ESPL1: variants seen among roughly 807,000 people sequenced by gnomAD.
ESPL1 encodes the protein extra spindle pole bodies like 1, separase, also known as separin.
In ESPL1, 50 loss-of-function variants were observed where a neutral mutation model predicts 217.2. That is an observed-to-expected ratio of 0.23 (90% CI 0.18 to 0.29). The LOEUF (loss-of-function observed/expected upper bound fraction) is 0.29. ESPL1 is among the 10% of genes least tolerant of loss of function. ESPL1 has a pLI of 1.00. For synonymous variants in ESPL1, 994 were observed against 1,081.3 expected, an observed-to-expected ratio of 0.92 and a Z score of 1.58; for missense variants, 1,834 against 2,603.0, an observed-to-expected ratio of 0.70 and a Z score of 6.43.
chr12:53,284,381 A>C (rs1943911248), intron 17 of ESPL1, among the ~76,000 whole-genome samples: 1 of 152,022 alleles, frequency 6.6e-6, no homozygotes, highest in Admixed American at 6.6e-5. Context: ...CAGCCTCCCA[A>C]GTAGCTGGGA....
rs757421350 is a variant in ESPL1 at position 53,269,037 on chromosome 12, A to G, written c.95A>G (p.Asn32Ser). The part of the protein sequence containing the change: ...LLPALKEFLS[N>S]PPAGFPSSRS... Reference sequence around the variant, plus strand: ...CTCTACTCCTAGGAGTTCCTGTCCAACCCTCCAGCTGGTTTTCCCAGCAGC... The same window carrying G: ...CTCTACTCCTAGGAGTTCCTGTCCAGCCCTCCAGCTGGTTTTCCCAGCAGC... The change falls in exon 3 of 31, where the codon AAC becomes AGC. Residue 32 changes from asparagine to serine, a missense_variant. By Grantham distance (46) the Asn-to-Ser change is conservative. This residue lies in a region of ESPL1 where 746 missense variants were observed against 1,077.0 expected (regional missense o/e 0.69). Transcript: ENST00000257934. The surrounding 1 kb of genome is among the most constrained non-coding windows in gnomAD (Gnocchi z 6.7). 11 of 1,611,002 alleles carry G rather than the reference A, an allele frequency of 6.8e-6. No homozygotes were observed. Among genetic ancestry groups the G allele is most frequent in the Middle Eastern group, 3.3e-4 (2 of 6,076 alleles).
At chr12:53,274,195 A>G (rs1943725650) in intron 6 of ESPL1, 1 of 152,742 alleles carries the variant, frequency 6.5e-6, no homozygotes, top group Non-Finnish European at 1.5e-5. Context: ...GAACTGATGC[A>G]TTGGCGGGAT....
In ESPL1 at chr12:53,274,923, G is replaced by A; in HGVS notation, c.1613G>A (p.Ser538Asn). Residue 538 changes from serine to asparagine, a missense_variant, in exon 7 of 31, where the codon AGC becomes AAC. Coordinates refer to ENST00000257934, the MANE Select transcript of ESPL1 (RefSeq NM_012291.5). Reference sequence around the variant, plus strand: ...TGGCTGGCAGCCCTGCAACCCTGTAGCCCTGAACACATGGCTGAGCCAGTC... The same window carrying A: ...TGGCTGGCAGCCCTGCAACCCTGTAACCCTGAACACATGGCTGAGCCAGTC... Reference protein sequence around the residue: ...ILWLAALQPCSPEHMAEPVTF... With the variant: ...ILWLAALQPCNPEHMAEPVTF... 2 of 1,608,542 alleles carry A rather than the reference G, an allele frequency of 1.2e-6. No homozygotes were observed. Among genetic ancestry groups the A allele is most frequent in the Non-Finnish European group, 8.5e-7 (1 of 1,177,612 alleles).
In ESPL1 at chr12:53,290,912, G is replaced by A. The variant is rs1229194624; in HGVS notation, c.5436G>A (p.Glu1812=). The A allele has an allele frequency of 1.2e-6, 2 of 1,606,332 alleles. No individual in the cohort carries two copies. Among genetic ancestry groups the A allele is most frequent in the East Asian group, 2.2e-5 (1 of 44,692 alleles). ...WKGLLLPSSE[E]PGPAQEASRL... ...GGCTGCTGCTGCCGTCCAGTGAGGAGCCCGGCCCTGCCCAGGAGGCCTCCC... is the reference window on the plus strand; with the variant it reads ...GGCTGCTGCTGCCGTCCAGTGAGGAACCCGGCCCTGCCCAGGAGGCCTCCC... Residue 1812 remains glutamate, a synonymous_variant, in exon 25 of 31, where the codon GAG becomes GAA. Coordinates refer to ENST00000257934, the MANE Select transcript of ESPL1 (RefSeq NM_012291.5).
chr12:53,281,596 T>A lies in ESPL1; in HGVS notation c.2589T>A (p.Leu863=). The change falls in exon 13 of 31, where the codon CTT becomes CTA. Residue 863 remains leucine, a synonymous_variant. Transcript: ENST00000257934. ...TCCTTTCCCTGACCTGTGATCTGCT[T>A]CGAAGTCAACTCTACTGGACTCACC... ...YLLLSLTCDL[L]RSQLYWTHQK... The A allele has an allele frequency of 6.2e-7, 1 of 1,613,892 alleles. No individual in the cohort carries two copies. Among genetic ancestry groups the A allele is most frequent in the Non-Finnish European group, 8.5e-7 (1 of 1,179,812 alleles).
Position 53,277,624 on chromosome 12 carries a change from A to C in ESPL1, c.2224+16A>C. On this transcript the variant is annotated intron_variant, in intron 10 of 30. Coordinates refer to ENST00000257934, the MANE Select transcript of ESPL1 (RefSeq NM_012291.5). ...GCAGATGCTGGTGAGGGGTAAATGG[A>C]GTGTGGCATGGGCATCTCCATGGCT... is the stretch of plus-strand genomic sequence containing the variant. 1 of 1,613,398 alleles carries C rather than the reference A, an allele frequency of 6.2e-7. No homozygotes were observed. Among genetic ancestry groups the C allele is most frequent in the Middle Eastern group, 1.7e-4 (1 of 6,042 alleles).
chr12:53,268,856 G>T lies in ESPL1; in HGVS notation c.81+9G>T. The T allele has an allele frequency of 1.2e-6, 2 of 1,606,144 alleles. No homozygotes were observed. The highest frequency in any genetic ancestry group is 8.5e-7 in the Non-Finnish European group (1 of 1,175,034). The stretch of plus-strand genomic sequence containing the variant: ...TGCTGCCCGCCTTGAAGGTGGGGGT[G>T]CTGCCTGGCTCGGGATACACCTGGC... On this transcript the variant is annotated intron_variant, in intron 2 of 30. Coordinates refer to ENST00000257934, the MANE Select transcript of ESPL1 (RefSeq NM_012291.5).
At chr12:53,273,836 GTTTTTTTTTTTTTTTTT>G (rs71096001) in intron 6 of ESPL1, among the ~76,000 whole-genome samples, 2,034 of 63,328 alleles carry the variant, frequency 0.032, 77 homozygotes, top group South Asian at 0.16. Context: ...TGGTTTTTTG[GTTTTTTTTTTTTTTTTT>G]TTTTTTTTTT....
In ESPL1 at chr12:53,282,558, C is replaced by A; in HGVS notation, c.2791+123C>A. The A allele has an allele frequency of 1.2e-6, 1 of 838,810 alleles. No individual in the cohort carries two copies. The highest frequency in any genetic ancestry group is 1.9e-6 in the Non-Finnish European group (1 of 531,932). The allele number at this position is 838,810 out of a possible 1,614,324, so 52.0% of individuals were successfully genotyped here. A position where few individuals can be genotyped will look rare whatever the true frequency, so the allele number is the denominator to read the frequency against. ...TGGCCCAGCCTACCTAGAACCTGCACAGAGTAGGCCTGGGATAGCAGATGG... is the reference window on the plus strand; with the variant it reads ...TGGCCCAGCCTACCTAGAACCTGCAAAGAGTAGGCCTGGGATAGCAGATGG... On this transcript the variant is annotated intron_variant, in intron 14 of 30. Coordinates refer to ENST00000257934, the MANE Select transcript of ESPL1 (RefSeq NM_012291.5). The surrounding 1 kb of genome is among the most constrained non-coding windows in gnomAD (Gnocchi z 4.0).
Position 53,269,023 on chromosome 12 carries a change from G to T in ESPL1, c.82-1G>T. 1 of 1,609,084 alleles carries T rather than the reference G, an allele frequency of 6.2e-7. No individual in the cohort carries two copies. Among genetic ancestry groups the T allele is most frequent in the Non-Finnish European group, 8.5e-7 (1 of 1,176,924 alleles). On this transcript the variant is annotated splice_acceptor_variant, in intron 2 of 30. Coordinates refer to ENST00000257934, the MANE Select transcript of ESPL1 (RefSeq NM_012291.5). LOFTEE classifies it high-confidence loss of function. This position sits in a 1 kb window ranked among gnomAD's most constrained non-coding sequence, Gnocchi z 6.7. ...CCATTCATATCTTTCTCTACTCCTAGGAGTTCCTGTCCAACCCTCCAGCTG... is the reference window on the plus strand; with the variant it reads ...CCATTCATATCTTTCTCTACTCCTATGAGTTCCTGTCCAACCCTCCAGCTG...
chr12:53,277,400 C>G (rs750194854), intron 9 of ESPL1, 70 bp from the exon 10 acceptor site: 253 of 1,552,282 alleles, frequency 1.6e-4, no homozygotes, highest in Non-Finnish European at 1.9e-4. Context: ...CCCACCTCAG[C>G]CTGCCGAGTA....
intron 7 of ESPL1, among the ~76,000 whole-genome samples, chr12:53,276,059 C>T (rs971381907): frequency 2.6e-5 from 4 of 151,932 alleles, no homozygotes; most frequent in Admixed American, 1.3e-4. Flanking sequence ...AAATATTAGC[C>T]GAATGTGGTG....
Position 53,272,847 on chromosome 12 carries a change from C to T in ESPL1, c.1496C>T (p.Pro499Leu). Residue 499 changes from proline to leucine, a missense_variant, in exon 6 of 31, where the codon CCT (proline) becomes CTT (leucine). Around this residue, in one of 5 missense-constraint regions of ESPL1, gnomAD observed 746 missense variants for 1,077.0 expected, o/e 0.69. Transcript: ENST00000257934. ...AAGCCAGGCACTTATCCCGAGGTGC[C>T]TCCTGAGAAGGTACAAGGGAATGAG... is the stretch of plus-strand genomic sequence containing the variant. ...LVKPGTYPEVPPEKLHRCFRL... is the reference protein window; with the variant it reads ...LVKPGTYPEVLPEKLHRCFRL... 6.2e-7 allele frequency: 1 copy of T among 1,613,866 alleles called. No homozygotes were observed. The highest frequency in any genetic ancestry group is 8.5e-7 in the Non-Finnish European group (1 of 1,180,010).
Position 53,293,282 on chromosome 12 carries a change from T to G in ESPL1, c.6171T>G (p.Phe2057Leu). 6.2e-7 allele frequency: 1 copy of G among 1,613,752 alleles called. No homozygotes were observed. Among genetic ancestry groups the G allele is most frequent in the Non-Finnish European group, 8.5e-7 (1 of 1,179,620 alleles). The stretch of plus-strand genomic sequence containing the variant: ...CCTTTTCTTTTCCCAGCCCCTTGTT[T>G]CTGGGTAATCTCTGGGATGTGACTG... ...LKYIMAGCPLFLGNLWDVTDR... is the reference protein window; with the variant it reads ...LKYIMAGCPLLLGNLWDVTDR... The change falls in exon 31 of 31, where the codon TTT becomes TTG. Residue 2057 changes from phenylalanine (F) to leucine (L), a missense_variant. Phe to Leu is a conservative substitution (Grantham distance 22, BLOSUM62 0). Around this residue, in one of 5 missense-constraint regions of ESPL1, gnomAD observed 295 missense variants for 519.8 expected, o/e 0.57. Transcript: ENST00000257934. The surrounding 1 kb of genome is among the most constrained non-coding windows in gnomAD (Gnocchi z 4.2).
At position 53,290,987 on chromosome 12, in the gene ESPL1, T is replaced by C. The variant is rs1944047660; in HGVS notation, c.5511T>C (p.Thr1837=). Residue 1837 remains threonine, a synonymous_variant, in exon 25 of 31, where the codon ACT becomes ACC. Coordinates refer to ENST00000257934, the MANE Select transcript of ESPL1 (RefSeq NM_012291.5). Reference sequence around the variant, plus strand: ...GTGGCTGGAAATATCCTGACCGCACTCTGCTGAAAGTGAGTGAGGAAAGCA... The same window carrying C: ...GTGGCTGGAAATATCCTGACCGCACCCTGCTGAAAGTGAGTGAGGAAAGCA... ...QDCGWKYPDR[T]LLKIMLSGAG... 5 of 1,588,402 alleles carry C rather than the reference T, an allele frequency of 3.1e-6. No homozygotes were observed. The highest frequency in any genetic ancestry group is 1.1e-5 in the South Asian group (1 of 87,304).
chr12:53,293,179 C>A lies in ESPL1; in HGVS notation c.6162-94C>A. 1 of 1,151,314 alleles carries A rather than the reference C, an allele frequency of 8.7e-7. No individual in the cohort carries two copies. Among genetic ancestry groups the A allele is most frequent in the African/African-American group, 1.5e-5 (1 of 65,944 alleles). 71.3% of individuals were successfully genotyped at this position (1,151,314 alleles called of 1,614,324 possible). ...CAAAGGAGTTTCTCATTGGTTCAAT[C>A]CTCTCCACTCACCCACCCCCACCAC... On this transcript the variant is annotated intron_variant, in intron 30 of 30. Coordinates refer to ENST00000257934, the MANE Select transcript of ESPL1 (RefSeq NM_012291.5). This position sits in a 1 kb window ranked among gnomAD's most constrained non-coding sequence, Gnocchi z 4.2.
chr12:53,293,199 C>T lies in ESPL1; in HGVS notation c.6162-74C>T, dbSNP rs1047766815. 30 of 1,307,422 alleles carry T rather than the reference C, an allele frequency of 2.3e-5. No individual in the cohort carries two copies. The highest frequency in any genetic ancestry group is 2.9e-5 in the Non-Finnish European group (26 of 905,564). 81.0% of individuals were successfully genotyped at this position (1,307,422 alleles called of 1,614,324 possible). A position where few individuals can be genotyped will look rare whatever the true frequency, so the allele number is the denominator to read the frequency against. Reference sequence around the variant, plus strand: ...TCAATCCTCTCCACTCACCCACCCCCACCACCAATGGTGTTTTCCTATGTA... The same window carrying T: ...TCAATCCTCTCCACTCACCCACCCCTACCACCAATGGTGTTTTCCTATGTA... On this transcript the variant is annotated intron_variant, in intron 30 of 30. Transcript: ENST00000257934. This position sits in a 1 kb window ranked among gnomAD's most constrained non-coding sequence, Gnocchi z 4.2.
intron 18 of ESPL1, chr12:53,287,396 C>G (rs1182468222): frequency 6.5e-6 from 1 of 152,978 alleles, no homozygotes; most frequent in Non-Finnish European, 1.4e-5. Context: ...GAGACGGACT[C>G]TCACTCTGTC....
rs757280275 is a variant in ESPL1, at chr12:53,277,473, A to G, written c.2089A>G (p.Ile697Val). ...ATACCCCGATCTTCCCATCCAGGGTATCGAGCGGGATCGGAGAGCCCAGGC... is the reference window on the plus strand; with the variant it reads ...ATACCCCGATCTTCCCATCCAGGGTGTCGAGCGGGATCGGAGAGCCCAGGC... ...CTLEAKMQEG[I>V]ERDRRAQAPG... Residue 697 changes from isoleucine to valine, a missense_variant, in exon 10 of 31, where the codon ATC becomes GTC. Physicochemically the swap from Ile to Val is conservative, Grantham distance 29. Around this residue, in one of 5 missense-constraint regions of ESPL1, gnomAD observed 746 missense variants for 1,077.0 expected, o/e 0.69. Coordinates refer to ENST00000257934, the MANE Select transcript of ESPL1 (RefSeq NM_012291.5). 2.5e-6 allele frequency: 4 copies of G among 1,613,958 alleles called. No homozygotes were observed. The highest frequency in any genetic ancestry group is 2.2e-5 in the South Asian group (2 of 91,052).
Sources: gnomAD v4.1 joint callset for allele counts (sites outside exome capture counted in the v4.1 genomes callset) on GRCh38, gnomAD v4.1.1 for gene constraint, gnomAD v4.1.1 regional missense constraint, Gnocchi (gnomAD v3.1) non-coding constraint, MANE v1.5 for transcripts, NCBI Gene and HGNC (gene_info 2026-07-23, HGNC 2026-07-21) for gene names.